PDE4D: variants seen among roughly 807,000 people sequenced by gnomAD.
PDE4D encodes phosphodiesterase 4D, also known as 3',5'-cyclic-AMP phosphodiesterase 4D.
PDE4D carries 24 observed loss-of-function variants against 87.4 expected under a neutral mutation model. The observed-to-expected ratio is 0.27, with a 90% CI of 0.20 to 0.39. The LOEUF (loss-of-function observed/expected upper bound fraction) is 0.39. Ranked by LOEUF, PDE4D falls within the 10% of genes least tolerant of loss-of-function variation. PDE4D has a pLI of 1.00. For missense variants in PDE4D, 714 were observed against 1,041.0 expected, an observed-to-expected ratio of 0.69 and a Z score of 4.32; for synonymous variants, 384 against 383.2, an observed-to-expected ratio of 1.00 and a Z score of -0.02.
chr5:59,114,840 T>G (rs1773308985), intron 5 of PDE4D, among the ~76,000 whole-genome samples: 1 of 142,458 alleles, frequency 7.0e-6, no homozygotes, highest in Non-Finnish European at 1.5e-5. Flanking sequence ...TGCAACAGAG[T>G]GGTGGGGCTG....
intron 2 of PDE4D, among the ~76,000 whole-genome samples, chr5:60,134,752 A>G (rs1364773404): frequency 6.6e-6 from 1 of 152,184 alleles, no homozygotes; most frequent in Non-Finnish European, 1.5e-5. Context: ...ATTGCTTAGG[A>G]AATAATGACA....
At chr5:60,246,769 T>A (rs1204364057) in intron 1 of PDE4D, among the ~76,000 whole-genome samples, 1 of 151,930 alleles carries the variant, frequency 6.6e-6, no homozygotes, top group African/African-American at 2.4e-5. Flanking sequence ...TAACTCTCAC[T>A]TGTGGGGGAT....
At chr5:60,080,976 C>T (rs1191288161) in intron 2 of PDE4D, among the ~76,000 whole-genome samples, 1 of 152,078 alleles carries the variant, frequency 6.6e-6, no homozygotes, top group African/African-American at 2.4e-5. Flanking sequence ...CTTTGTATTT[C>T]TGGTAGAATT....
At chr5:59,989,652 T>C (rs1239101121) in intron 2 of PDE4D, among the ~76,000 whole-genome samples, 1 of 152,152 alleles carries the variant, frequency 6.6e-6, no homozygotes. Context: ...ATTTGATCCA[T>C]GTTATCCACA....
intron 1 of PDE4D, among the ~76,000 whole-genome samples, chr5:59,415,725 T>G (rs1434837121): frequency 1.3e-5 from 2 of 152,216 alleles, no homozygotes; most frequent in African/African-American, 4.8e-5. Flanking sequence ...AGACAAAGTA[T>G]GAGGAAAGAA....
chr5:59,869,033 AT>A (rs1454296323), intron 1 of PDE4D, among the ~76,000 whole-genome samples: 1 of 152,232 alleles, frequency 6.6e-6, no homozygotes, highest in Non-Finnish European at 1.5e-5. Context: ...GCACATTTTT[AT>A]TGAATTCACT....
At chr5:59,944,646 C>T (rs1330557496) in intron 3 of PDE4D, among the ~76,000 whole-genome samples, 6 of 151,904 alleles carry the variant, frequency 3.9e-5, no homozygotes, top group Non-Finnish European at 8.8e-5. Context: ...GCTGGGATTA[C>T]AGGCGTGAGC....
intron 1 of PDE4D, among the ~76,000 whole-genome samples, chr5:59,353,644 AG>A (rs1370598818): frequency 4.6e-5 from 7 of 151,800 alleles, no homozygotes; most frequent in African/African-American, 1.7e-4. Flanking sequence ...ACAGAGAAAA[AG>A]TACCTTCCTT....
At chr5:59,983,151 G>A (rs1268673203) in intron 3 of PDE4D, among the ~76,000 whole-genome samples, 1 of 152,078 alleles carries the variant, frequency 6.6e-6, no homozygotes, top group Non-Finnish European at 1.5e-5. Context: ...CCGGCCATCA[G>A]CCACCATAAG....
intron 1 of PDE4D, among the ~76,000 whole-genome samples, chr5:59,473,003 A>G (rs1219219477): frequency 6.6e-6 from 1 of 151,060 alleles, no homozygotes; most frequent in East Asian, 2.0e-4. Context: ...CAATAAGAGC[A>G]TGACTTTTAT....
chr5:59,890,131 A>G (rs1334517843), intron 1 of PDE4D, among the ~76,000 whole-genome samples: 1 of 152,170 alleles, frequency 6.6e-6, no homozygotes, highest in Non-Finnish European at 1.5e-5. Flanking sequence ...TAAAAGATAT[A>G]CCTTTCTTGA....
At chr5:59,575,075 C>A (rs1425443235) in intron 1 of PDE4D, among the ~76,000 whole-genome samples, 1 of 151,956 alleles carries the variant, frequency 6.6e-6, no homozygotes. Flanking sequence ...TACAATGAGA[C>A]TAGAAAGGAG....
At position 59,524,853 on chromosome 5, in the gene PDE4D, C is replaced by T. The variant is rs117366828; in HGVS notation, c.456-308885G>A. ...GCTTCAGAAGGTCCAAGCCTCAAGG[C>T]TTAGCAGCTTACACGTGGTGTTGGG... On this transcript the variant is annotated intron_variant, in intron 1 of 14. Coordinates refer to ENST00000340635, the MANE Select transcript of PDE4D (RefSeq NM_001104631.2). Among the ~76,000 whole-genome samples, 13 of 152,350 alleles carry T rather than the reference C, an allele frequency of 8.5e-5. No individual in the cohort carries two copies. The East Asian group carries it at 2.1e-3, about 25-fold the overall frequency.
At chr5:59,275,762 C>A in intron 1 of PDE4D, 1 of 1,002,858 alleles carries the variant, frequency 1.0e-6, no homozygotes, top group African/African-American at 1.7e-5. Context: ...TTTTGCAATT[C>A]CATAGTAACA....
rs115525631 is a variant in PDE4D at position 59,237,417 on chromosome 5, A to C, written c.456-21449T>G. 9.3e-4 allele frequency among the ~76,000 whole-genome samples: 141 copies of C among 152,272 alleles called. 1 individual carries two copies. Among genetic ancestry groups the C allele is most frequent in the African/African-American group, 3.1e-3 (130 of 41,530 alleles). On this transcript the variant is annotated intron_variant, in intron 1 of 14. Coordinates refer to ENST00000340635, the MANE Select transcript of PDE4D (RefSeq NM_001104631.2). ...ATTTGCATTTCATAACATTTCTGTT[A>C]AATAAATTTTTTGTCAACCCATTTT...
chr5:59,066,142 A>G (rs13362242), intron 5 of PDE4D, among the ~76,000 whole-genome samples: 6,339 of 152,212 alleles, frequency 0.042, 446 homozygotes, highest in African/African-American at 0.14. Context: ...GTATGTACTA[A>G]ACACTGGGTA....
intron 1 of PDE4D, among the ~76,000 whole-genome samples, chr5:60,253,138 A>C (rs1473917778): frequency 6.6e-6 from 1 of 151,896 alleles, no homozygotes; most frequent in African/African-American, 2.4e-5. Context: ...CACAAAATCA[A>C]CCAGAAGGAG....
At chr5:59,264,929 G>A (rs899610932) in intron 1 of PDE4D, among the ~76,000 whole-genome samples, 2 of 151,952 alleles carry the variant, frequency 1.3e-5, no homozygotes, top group African/African-American at 2.4e-5. Context: ...AGCATCTTAA[G>A]CCTTCTGCAC....
chr5:59,773,855 C>CA (rs1215897945), intron 1 of PDE4D, among the ~76,000 whole-genome samples: 1 of 151,616 alleles, frequency 6.6e-6, no homozygotes, highest in East Asian at 1.9e-4. Flanking sequence ...CAGAGATTTC[C>CA]AAAAAAGTAA....
Sources: gnomAD v4.1 joint callset for allele counts (sites outside exome capture counted in the v4.1 genomes callset) on GRCh38, gnomAD v4.1.1 for gene constraint, MANE v1.5 for transcripts, NCBI Gene and HGNC (gene_info 2026-07-23, HGNC 2026-07-21) for gene names.